Variants in USP25 observed in about 807,000 individuals in gnomAD.
The protein encoded by USP25 is ubiquitin specific peptidase 25, also known as ubiquitin carboxyl-terminal hydrolase 25.
USP25 carries 85 observed loss-of-function variants against 158.5 expected under a neutral mutation model. The observed-to-expected ratio is 0.54, with a 90% CI of 0.45 to 0.64. The LOEUF (loss-of-function observed/expected upper bound fraction) is 0.64. USP25 is among the 30% of genes least tolerant of loss of function. The pLI, the probability that USP25 is intolerant of heterozygous loss-of-function variation, is 0.00. For synonymous variants in USP25, 464 were observed against 460.4 expected (o/e 1.01, Z -0.10); for missense variants, 1,242 against 1,327.3 (o/e 0.94, Z 1.00).
chr21:15,844,351 T>TGCA, intron 18 of USP25, among the ~76,000 whole-genome samples: 1 of 152,174 alleles, frequency 6.6e-6, no homozygotes, highest in African/African-American at 2.4e-5. Context: ...GTTTTATTTA[T>TGCA]TATGAATGCA....
At chr21:15,828,627 T>C (rs1237864610) in intron 14 of USP25, among the ~76,000 whole-genome samples, 1 of 152,184 alleles carries the variant, frequency 6.6e-6, no homozygotes, top group Non-Finnish European at 1.5e-5. Flanking sequence ...GAGTTCTCTT[T>C]TGGCCATTTT....
intron 4 of USP25, among the ~76,000 whole-genome samples, chr21:15,790,632 A>G (rs2035538048): frequency 6.6e-6 from 1 of 151,272 alleles, no homozygotes; most frequent in South Asian, 2.1e-4. Context: ...CTGATTTAGA[A>G]TAATAAGTAA....
At chr21:15,836,322 A>G (rs969098160) in intron 17 of USP25, among the ~76,000 whole-genome samples, 3 of 152,238 alleles carry the variant, frequency 2.0e-5, no homozygotes, top group Non-Finnish European at 4.4e-5. Context: ...CTCTTCTGCT[A>G]AAATGTGATC....
intron 20 of USP25, 141 bp downstream of exon 20, chr21:15,850,013 G>A: frequency 1.7e-6 from 1 of 588,144 alleles, no homozygotes; most frequent in Non-Finnish European, 2.8e-6. Context: ...ATATCCTAGG[G>A]TTTTATTTTA....
At chr21:15,770,964 C>T (rs1460435330) in intron 3 of USP25, among the ~76,000 whole-genome samples, 1 of 152,182 alleles carries the variant, frequency 6.6e-6, no homozygotes, top group Non-Finnish European at 1.5e-5. Flanking sequence ...CCTTACTATG[C>T]TGTCTGCCCT....
intron 5 of USP25, 175 bp from the exon 6 acceptor site, chr21:15,799,582 T>C (rs953764185): frequency 2.0e-5 from 9 of 440,564 alleles, no homozygotes; most frequent in Non-Finnish European, 3.7e-5. Flanking sequence ...GAATGGTATG[T>C]CAAATAAAAG....
intron 17 of USP25, among the ~76,000 whole-genome samples, chr21:15,835,872 T>C (rs1225035978): frequency 3.9e-5 from 6 of 152,226 alleles, no homozygotes; most frequent in African/African-American, 1.2e-4. Flanking sequence ...TCTATTACTG[T>C]TATCTTTGAG....
chr21:15,825,735 A>G (rs1378222783), intron 12 of USP25, among the ~76,000 whole-genome samples: 11 of 152,190 alleles, frequency 7.2e-5, no homozygotes, highest in Admixed American at 6.5e-5. Context: ...GGAATTTTCA[A>G]ATTAGTAGTC....
chr21:15,747,512 T>G (rs1054921299), intron 1 of USP25, among the ~76,000 whole-genome samples: 4 of 151,992 alleles, frequency 2.6e-5, no homozygotes, highest in Admixed American at 2.6e-4. Flanking sequence ...AGTATCTACC[T>G]GTGATAAAGT....
intron 14 of USP25, among the ~76,000 whole-genome samples, 153 bp downstream of exon 14, chr21:15,827,356 C>A (rs551087771): frequency 6.6e-6 from 1 of 152,100 alleles, no homozygotes; most frequent in South Asian, 2.1e-4. Flanking sequence ...AGTTTGGCTC[C>A]CCATTTTTAT....
At chr21:15,858,423 A>T (rs1044071836) in intron 20 of USP25, among the ~76,000 whole-genome samples, 2 of 150,484 alleles carry the variant, frequency 1.3e-5, no homozygotes, top group Non-Finnish European at 3.0e-5. Flanking sequence ...TTCCTACATA[A>T]TTTTTTTTGC....
At chr21:15,874,662 T>C (rs142235797) in intron 24 of USP25, 136 bp downstream of exon 24, 369 of 766,182 alleles carry the variant, frequency 4.8e-4, no homozygotes, top group African/African-American at 4.6e-3. Context: ...CTGGTTCTAG[T>C]CCCTTCAGAT....
intron 1 of USP25, among the ~76,000 whole-genome samples, chr21:15,758,883 A>C (rs2033562201): frequency 6.6e-6 from 1 of 152,116 alleles, no homozygotes; most frequent in Non-Finnish European, 1.5e-5. Context: ...ATTACCTTCT[A>C]CCAGGTCCCT....
rs766326166 is a variant in USP25 at position 15,849,883 on chromosome 21, C to T, written c.2547+11C>T. 4.1e-6 allele frequency: 6 copies of T among 1,449,584 alleles called. No homozygotes were observed. In the South Asian group the frequency reaches 8.6e-5, roughly 21 times the overall value. 89.8% of individuals were successfully genotyped at this position (1,449,584 alleles called of 1,614,324 possible). On this transcript the variant is annotated intron_variant, in intron 20 of 25. Coordinates refer to ENST00000400183, the MANE Select transcript of USP25 (RefSeq NM_001283041.3). The stretch of plus-strand genomic sequence containing the variant: ...GCAGGGTTCTTTAAGGTACAATGAA[C>T]ATTTTCATTTTCGTGTCTTTTCTTT...
At position 15,766,267 on chromosome 21, in the gene USP25, T is replaced by C; in HGVS notation, c.268+126T>C. 1 of 778,918 alleles carries C rather than the reference T, an allele frequency of 1.3e-6. No individual in the cohort carries two copies. Among genetic ancestry groups the C allele is most frequent in the Non-Finnish European group, 1.8e-6 (1 of 548,612 alleles). The allele number at this position is 778,918 out of a possible 1,614,324, so 48.3% of individuals were successfully genotyped here. On this transcript the variant is annotated intron_variant, in intron 3 of 25. Transcript: ENST00000400183. The surrounding 1 kb of genome is among the most constrained non-coding windows in gnomAD (Gnocchi z 4.0). Reference sequence around the variant, plus strand: ...AAAAGAACTCTATTAACCTTGGTTCTTTTTAATGTAGTTGAAAGGAACATA... The same window carrying C: ...AAAAGAACTCTATTAACCTTGGTTCCTTTTAATGTAGTTGAAAGGAACATA...
At chr21:15,788,849 A>G (rs563717313) in intron 4 of USP25, among the ~76,000 whole-genome samples, 5 of 152,186 alleles carry the variant, frequency 3.3e-5, no homozygotes, top group African/African-American at 1.2e-4. Flanking sequence ...GGAAATGGCT[A>G]TTATTTTTAA....
rs1040332833 is a variant in USP25, at chr21:15,880,014, C to T, written c.*1539C>T. The stretch of plus-strand genomic sequence containing the variant: ...AGTTTAGAAACTTCATATGTGTCAT[C>T]ACAGCTTTTGTAAAGAAAGTATCCT... On this transcript the variant is annotated 3_prime_UTR_variant, in exon 26 of 26. Coordinates refer to ENST00000400183, the MANE Select transcript of USP25 (RefSeq NM_001283041.3). 1.2e-4 allele frequency: 19 copies of T among 152,170 alleles called. No homozygotes were observed. Among genetic ancestry groups the T allele is most frequent in the African/African-American group, 4.6e-4 (19 of 41,448 alleles). The allele number at this position is 152,170 out of a possible 1,614,324, so 9.4% of individuals were successfully genotyped here.
intron 18 of USP25, among the ~76,000 whole-genome samples, chr21:15,846,359 G>C (rs1161031264): frequency 6.6e-6 from 1 of 150,604 alleles, no homozygotes; most frequent in African/African-American, 2.4e-5. Context: ...GACGGATTTC[G>C]CCATGTTGGC....
intron 22 of USP25, among the ~76,000 whole-genome samples, chr21:15,869,073 C>T (rs1390166326): frequency 6.6e-6 from 1 of 152,030 alleles, no homozygotes; most frequent in Non-Finnish European, 1.5e-5. Flanking sequence ...TAGCAAGACC[C>T]TGTCTATACA....
Sources: gnomAD v4.1 joint callset for allele counts (sites outside exome capture counted in the v4.1 genomes callset) on GRCh38, gnomAD v4.1.1 for gene constraint, Gnocchi (gnomAD v3.1) non-coding constraint, MANE v1.5 for transcripts, NCBI Gene and HGNC (gene_info 2026-07-23, HGNC 2026-07-21) for gene names.